Variants in HBS1L observed in about 807,000 individuals in gnomAD.
HBS1L encodes HBS1 like translational GTPase, also known as HBS1-like protein.
HBS1L carries 55 observed loss-of-function variants against 88.9 expected under a neutral mutation model. The observed-to-expected ratio is 0.62, with a 90% CI of 0.50 to 0.77. The LOEUF (loss-of-function observed/expected upper bound fraction) is 0.77. HBS1L is among the 30% of genes least tolerant of loss of function. HBS1L has a pLI of 0.00. For missense variants in HBS1L, 741 were observed against 829.3 expected (o/e 0.89, Z 1.31); for synonymous variants, 267 against 288.5 (o/e 0.93, Z 0.76).
chr6:135,009,526 A>G (rs1481966486), intron 4 of HBS1L, among the ~76,000 whole-genome samples: 2 of 152,200 alleles, frequency 1.3e-5, no homozygotes, highest in East Asian at 3.8e-4. Context: ...TAAAGACTAT[A>G]TAAAGTTTAA....
intron 2 of HBS1L, among the ~76,000 whole-genome samples, chr6:135,044,609 T>C (rs140659619): frequency 3.7e-4 from 57 of 152,342 alleles, no homozygotes; most frequent in Non-Finnish European, 5.9e-4. Flanking sequence ...GATAGCCTTT[T>C]GTTTTAAAGT....
intron 14 of HBS1L, 106 bp downstream of exon 14, chr6:134,979,072 G>T: frequency 1.3e-6 from 1 of 758,352 alleles, no homozygotes; most frequent in Non-Finnish European, 2.3e-6. Flanking sequence ...GTCTATTTTT[G>T]GTCAAATGAA....
chr6:134,966,997 ATC>A (rs369824473), intron 16 of HBS1L, among the ~76,000 whole-genome samples: 232 of 152,204 alleles, frequency 1.5e-3, no homozygotes, highest in Middle Eastern at 6.8e-3. Context: ...CAATCAAGCA[ATC>A]TCTCTCTTTC....
intron 1 of HBS1L, among the ~76,000 whole-genome samples, chr6:135,053,831 T>A (rs774511333): frequency 1.3e-5 from 2 of 152,256 alleles, no homozygotes; most frequent in African/African-American, 4.8e-5. Flanking sequence ...CCTATAGTTA[T>A]CTACTGCATG....
intron 4 of HBS1L, among the ~76,000 whole-genome samples, chr6:135,012,801 T>C (rs1057032665): frequency 6.6e-6 from 1 of 152,164 alleles, no homozygotes; most frequent in African/African-American, 2.4e-5. Context: ...AATTTTATTG[T>C]GCCAAGATTT....
At chr6:134,984,086 G>A (rs1437383669) in intron 12 of HBS1L, among the ~76,000 whole-genome samples, 2 of 152,172 alleles carry the variant, frequency 1.3e-5, no homozygotes, top group Non-Finnish European at 2.9e-5. Flanking sequence ...CCAGGAAGCA[G>A]CCTGAAGGGG....
intron 4 of HBS1L, among the ~76,000 whole-genome samples, chr6:135,029,712 A>G (rs549831938): frequency 3.7e-4 from 57 of 152,152 alleles, no homozygotes; most frequent in South Asian, 6.2e-4. Flanking sequence ...TATTAGCAAT[A>G]ACAACTGGAA....
At chr6:134,993,904 G>C (rs1388553222) in intron 7 of HBS1L, 29 bp from the exon 8 acceptor site, 2 of 1,096,878 alleles carry the variant, frequency 1.8e-6, no homozygotes, top group African/African-American at 3.1e-5. Context: ...TGGTTAGAAT[G>C]TACGATATAA....
At chr6:134,972,814 G>A (rs1482508296) in intron 15 of HBS1L, among the ~76,000 whole-genome samples, 3 of 152,158 alleles carry the variant, frequency 2.0e-5, no homozygotes, top group South Asian at 4.1e-4. Flanking sequence ...CACATGAAAA[G>A]ATGTTCAGCA....
intron 4 of HBS1L, among the ~76,000 whole-genome samples, chr6:135,015,905 G>T: frequency 7.8e-6 from 1 of 128,482 alleles, no homozygotes. Context: ...TTTTTTTCCA[G>T]ACGGAGTCTT....
Position 135,054,654 on chromosome 6 carries a change from T to A in HBS1L, c.38A>T (p.Asp13Val), listed in dbSNP as rs1246872268. ...RHRNVRGYNYDEDFEDDDLYG... is the reference protein window; with the variant it reads ...RHRNVRGYNYVEDFEDDDLYG... ...GGCATGACCCTGCCACCTACCTTCA[T>A]CGTAGTTATAGCCTCGAACATTCCG... The change falls in exon 1 of 18, where the codon GAT becomes GTT. Residue 13 changes from aspartate to valine, a missense_variant. Around this residue, in one of 3 missense-constraint regions of HBS1L, gnomAD observed 556 missense variants for 598.4 expected, o/e 0.93. Coordinates refer to ENST00000367837, the MANE Select transcript of HBS1L (RefSeq NM_006620.4). 3 of 1,614,220 alleles carry A rather than the reference T, an allele frequency of 1.9e-6. No homozygotes were observed. The highest frequency in any genetic ancestry group is 2.2e-5 in the South Asian group (2 of 91,088).
At chr6:134,984,977 T>C (rs545007004) in intron 12 of HBS1L, among the ~76,000 whole-genome samples, 1 of 152,060 alleles carries the variant, frequency 6.6e-6, no homozygotes, top group African/African-American at 2.4e-5. Context: ...CGGGTAGACA[T>C]GTGGCAATAA....
intron 4 of HBS1L, chr6:135,037,283 A>G (rs1198531744): frequency 6.4e-7 from 1 of 1,551,978 alleles, no homozygotes; most frequent in Admixed American, 2.0e-5. Flanking sequence ...GATAAAGTAA[A>G]GCACTGGCTT....
intron 12 of HBS1L, among the ~76,000 whole-genome samples, 170 bp downstream of exon 12, chr6:134,985,171 G>GT (rs1774942471): frequency 6.6e-6 from 1 of 151,924 alleles, no homozygotes; most frequent in Admixed American, 6.6e-5. Flanking sequence ...GGGAAGCTAA[G>GT]TGACTAAATC....
intron 4 of HBS1L, among the ~76,000 whole-genome samples, chr6:135,034,529 A>C (rs977706532): frequency 6.6e-6 from 1 of 152,162 alleles, no homozygotes; most frequent in Admixed American, 6.5e-5. Flanking sequence ...CTGTAATCCC[A>C]GCTACTCGGG....
rs747297412 is a variant in HBS1L at position 134,978,800 on chromosome 6, C to CA, written c.1689-14dup. The CA allele has an allele frequency of 3.3e-6, 5 of 1,515,250 alleles. No individual in the cohort carries two copies. Among genetic ancestry groups the CA allele is most frequent in the East Asian group, 2.3e-5 (1 of 43,978 alleles). 93.9% of individuals were successfully genotyped at this position (1,515,250 alleles called of 1,614,324 possible). On this transcript the variant is annotated splice_polypyrimidine_tract_variant and intron_variant, in intron 14 of 17. Coordinates refer to ENST00000367837, the MANE Select transcript of HBS1L (RefSeq NM_006620.4). ...TATGCAGCCAACACTGTAAGAACAA[C>CA]AAAAAAAGAGGAAAGGTAATTGGGG...
intron 3 of HBS1L, 98 bp downstream of exon 3, chr6:135,041,903 T>C: frequency 9.8e-7 from 1 of 1,017,978 alleles, no homozygotes; most frequent in Non-Finnish European, 1.5e-6. Context: ...ATCATTACTG[T>C]TCATAGTCAC....
At chr6:135,047,847 T>C (rs1300566709) in intron 2 of HBS1L, among the ~76,000 whole-genome samples, 1 of 152,222 alleles carries the variant, frequency 6.6e-6, no homozygotes, top group South Asian at 2.1e-4. Context: ...TTGTCACCTC[T>C]AATATTTAAG....
rs558306461 is a variant in HBS1L, at chr6:134,993,606, C to A, written c.1083+152G>T. The A allele has an allele frequency of 1.7e-5, 7 of 410,822 alleles. No individual in the cohort carries two copies. The South Asian group carries it at 6.6e-4, about 38-fold the overall frequency. 25.4% of individuals were successfully genotyped at this position (410,822 alleles called of 1,614,324 possible). On this transcript the variant is annotated intron_variant, in intron 8 of 17. Coordinates refer to ENST00000367837, the MANE Select transcript of HBS1L (RefSeq NM_006620.4). Reference sequence around the variant, plus strand: ...ACAGGTAGAAAGATCATGAAAAATACAATATTGCTCTTTTTGTTCAAGCTT... The same window carrying A: ...ACAGGTAGAAAGATCATGAAAAATAAAATATTGCTCTTTTTGTTCAAGCTT...
Sources: allele counts gnomAD v4.1 joint callset (sites outside exome capture counted in the v4.1 genomes callset), GRCh38; gene constraint gnomAD v4.1.1; regional missense constraint gnomAD v4.1.1; transcripts MANE v1.5; gene names NCBI Gene and HGNC (gene_info 2026-07-23, HGNC 2026-07-21).